The following KMT2C variants were observed in gnomAD, a reference collection of about 807,000 sequenced individuals.
KMT2C encodes lysine methyltransferase 2C, also known as histone-lysine N-methyltransferase 2C.
In KMT2C, 88 loss-of-function variants were observed where a neutral mutation model predicts 507.9. That is an observed-to-expected ratio of 0.17 (90% CI 0.15 to 0.21). The LOEUF (loss-of-function observed/expected upper bound fraction) is 0.21. Ranked by LOEUF, KMT2C falls within the 10% of genes least tolerant of loss-of-function variation. The probability of loss-of-function intolerance (pLI) is 1.00; values close to 1 mark genes in which losing one functional copy is unlikely to be tolerated. For synonymous variants in KMT2C, 2,049 were observed against 2,080.8 expected (o/e 0.98, Z 0.42); for missense variants, 4,954 against 5,957.8 (o/e 0.83, Z 5.55).
chr7:152,233,682 T>C (rs1044239125), intron 16 of KMT2C, among the ~76,000 whole-genome samples: 4 of 152,252 alleles, frequency 2.6e-5, no homozygotes, highest in African/African-American at 7.2e-5. Context: ...GTGAAATCAT[T>C]ACAGATTCTA....
chr7:152,251,396 T>C (rs555282852), intron 11 of KMT2C, among the ~76,000 whole-genome samples: 1 of 152,320 alleles, frequency 6.6e-6, no homozygotes, highest in South Asian at 2.1e-4. Context: ...TTAGTTATCC[T>C]TGAAGATGAT....
intron 3 of KMT2C, among the ~76,000 whole-genome samples, chr7:152,329,888 G>A (rs1315604014): frequency 6.6e-6 from 1 of 152,092 alleles, no homozygotes; most frequent in Non-Finnish European, 1.5e-5. Context: ...GCTCATGCCT[G>A]TAATCCCAGC....
At position 152,323,325 on chromosome 7, in the gene KMT2C, T is replaced by C. The variant is rs180842358; in HGVS notation, c.389+7276A>G. Among the ~76,000 whole-genome samples the C allele has an allele frequency of 5.3e-4, 81 of 152,086 alleles. No individual in the cohort carries two copies. The East Asian group carries it at 0.015, about 28-fold the overall frequency. Reference sequence around the variant, plus strand: ...AAGAAAACATGGTATATATAAACAATGGAATACTATTCAGCCTTGAAAAGC... The same window carrying C: ...AAGAAAACATGGTATATATAAACAACGGAATACTATTCAGCCTTGAAAAGC... On this transcript the variant is annotated intron_variant, in intron 3 of 58. Coordinates refer to ENST00000262189, the MANE Select transcript of KMT2C (RefSeq NM_170606.3).
chr7:152,196,199 A>G (rs1364109387), intron 27 of KMT2C, among the ~76,000 whole-genome samples, 188 bp from the exon 28 acceptor site: 2 of 152,218 alleles, frequency 1.3e-5, no homozygotes, highest in Non-Finnish European at 2.9e-5. Context: ...AAAATTTACT[A>G]AAAATTCAGA....
Position 152,248,416 on chromosome 7 carries a change from G to A in KMT2C, c.2018C>T (p.Pro673Leu). 1 of 1,614,044 alleles carries A rather than the reference G, an allele frequency of 6.2e-7. No homozygotes were observed. Among genetic ancestry groups the A allele is most frequent in the Non-Finnish European group, 8.5e-7 (1 of 1,180,006 alleles). The change falls in exon 14 of 59, where the codon CCT (proline) becomes CTT (leucine). Residue 673 changes from proline to leucine, a missense_variant. Pro to Leu is a moderately conservative substitution (Grantham distance 98). This residue lies in a region of KMT2C where 376 missense variants were observed against 352.4 expected (regional missense o/e 1.07). Transcript: ENST00000262189. ...QQEQLQLLEE[P>L]ETVVSREESR... ...TTCTTCTCTGGATACCACTGTTTCA[G>A]GTTCCTCTAACAACTGCAGTTGTTC...
intron 9 of KMT2C, among the ~76,000 whole-genome samples, chr7:152,261,379 G>T (rs1207795524): frequency 6.6e-6 from 1 of 152,130 alleles, no homozygotes; most frequent in Admixed American, 6.5e-5. Context: ...ACAATTAATA[G>T]TGGTCAATTG....
chr7:152,428,906 G>T lies in KMT2C; in HGVS notation c.161+6720C>A, dbSNP rs529035012. Reference sequence around the variant, plus strand: ...CCCTGTAAACAGTTTATAACTCCTGGACTACAGGATAAAGCCCAAACTCAT... The same window carrying T: ...CCCTGTAAACAGTTTATAACTCCTGTACTACAGGATAAAGCCCAAACTCAT... On this transcript the variant is annotated intron_variant, in intron 1 of 58. Transcript: ENST00000262189. 4.6e-5 allele frequency among the ~76,000 whole-genome samples: 7 copies of T among 152,124 alleles called. No individual in the cohort carries two copies. The South Asian group carries it at 1.2e-3, about 27-fold the overall frequency.
chr7:152,313,123 A>T (rs2096688400), intron 4 of KMT2C, among the ~76,000 whole-genome samples: 1 of 152,162 alleles, frequency 6.6e-6, no homozygotes, highest in South Asian at 2.1e-4. Flanking sequence ...TGCTAACTTT[A>T]AATTCTCATT....
Position 152,163,156 on chromosome 7 carries a change from T to C in KMT2C, c.10421A>G (p.Gln3474Arg). The C allele has an allele frequency of 1.2e-6, 2 of 1,614,198 alleles. No individual in the cohort carries two copies. The highest frequency in any genetic ancestry group is 1.7e-6 in the Non-Finnish European group (2 of 1,180,032). ...AACCTGCCCCATTTGCTGTTGGTGT[T>C]GTGGAGACTGCTGAAGGGGTCCTAG... ...QPLGPLQQSP[Q>R]HQQQMGQVLQ... The change falls in exon 43 of 59, where the codon CAA becomes CGA. Residue 3474 changes from glutamine (Q) to arginine (R), a missense_variant. By Grantham distance (43) the Gln-to-Arg change is conservative. Coordinates refer to ENST00000262189, the MANE Select transcript of KMT2C (RefSeq NM_170606.3).
chr7:152,384,570 C>CATCACCACTAAAACCACG (rs1589626989), intron 1 of KMT2C, among the ~76,000 whole-genome samples: 1 of 32,486 alleles, frequency 3.1e-5, no homozygotes, highest in African/African-American at 7.8e-5. Context: ...CCACCACCAC[C>CATCACCACTAAAACCACG]ACCACCACCA....
At chr7:152,321,151 T>G (rs2096769686) in intron 3 of KMT2C, among the ~76,000 whole-genome samples, 1 of 151,920 alleles carries the variant, frequency 6.6e-6, no homozygotes, top group East Asian at 1.9e-4. Flanking sequence ...GGAGAATCGC[T>G]TGAACCTAGG....
chr7:152,270,182 A>T (rs1480306916), intron 7 of KMT2C, among the ~76,000 whole-genome samples: 1 of 152,230 alleles, frequency 6.6e-6, no homozygotes, highest in Non-Finnish European at 1.5e-5. Context: ...GAAAAAATAA[A>T]TCATGGATGT....
intron 18 of KMT2C, among the ~76,000 whole-genome samples, chr7:152,229,174 T>C (rs895099226): frequency 7.9e-5 from 12 of 152,172 alleles, no homozygotes; most frequent in Non-Finnish European, 1.6e-4. Context: ...TTACATGGTA[T>C]GGCAGTACTA....
chr7:152,231,332 A>C (rs1012888439), intron 16 of KMT2C, among the ~76,000 whole-genome samples: 7 of 152,266 alleles, frequency 4.6e-5, no homozygotes, highest in Non-Finnish European at 8.8e-5. Flanking sequence ...CTGTAGAAGA[A>C]GACAAGGAGG....
chr7:152,376,100 A>G (rs911010086), intron 1 of KMT2C, among the ~76,000 whole-genome samples: 3 of 152,254 alleles, frequency 2.0e-5, no homozygotes, highest in African/African-American at 7.2e-5. Context: ...CTACCATGCT[A>G]TCTTTGATGT....
intron 1 of KMT2C, among the ~76,000 whole-genome samples, chr7:152,408,283 A>C (rs2097641915): frequency 6.6e-6 from 1 of 150,876 alleles, no homozygotes; most frequent in Admixed American, 6.6e-5. Flanking sequence ...GTGAGACTCC[A>C]TCTCAAAAAA....
intron 6 of KMT2C, among the ~76,000 whole-genome samples, chr7:152,295,139 T>C (rs1009339938): frequency 6.6e-6 from 1 of 152,230 alleles, no homozygotes; most frequent in South Asian, 2.1e-4. Flanking sequence ...CAATATTTCA[T>C]CTTTATGTTT....
At chr7:152,218,416 G>C (rs2094647330) in intron 23 of KMT2C, among the ~76,000 whole-genome samples, 1 of 151,990 alleles carries the variant, frequency 6.6e-6, no homozygotes, top group Non-Finnish European at 1.5e-5. Flanking sequence ...CACCCGCCTT[G>C]GCCTCCCAAA....
intron 1 of KMT2C, among the ~76,000 whole-genome samples, chr7:152,361,355 T>C (rs2097195516): frequency 6.6e-6 from 1 of 152,010 alleles, no homozygotes; most frequent in African/African-American, 2.4e-5. Flanking sequence ...GGTCAGGAGA[T>C]CGAGACCATC....
Sources: gnomAD v4.1 joint callset for allele counts (sites outside exome capture counted in the v4.1 genomes callset) on GRCh38, gnomAD v4.1.1 for gene constraint, gnomAD v4.1.1 regional missense constraint, MANE v1.5 for transcripts, NCBI Gene and HGNC (gene_info 2026-07-23, HGNC 2026-07-21) for gene names.